Variants in MSH3 observed in about 807,000 individuals in gnomAD.
MSH3 encodes mutS homolog 3, also known as DNA mismatch repair protein Msh3.
MSH3 carries 106 observed loss-of-function variants against 123.3 expected under a neutral mutation model. The observed-to-expected ratio is 0.86, with a 90% CI of 0.73 to 1.01. MSH3 has a LOEUF of 1.01. Ranked by LOEUF, MSH3 falls within the 50% of genes least tolerant of loss-of-function variation. MSH3 has a pLI of 0.00. For synonymous variants in MSH3, 515 were observed against 481.4 expected (o/e 1.07, Z -0.91); for missense variants, 1,459 against 1,347.6 (o/e 1.08, Z -1.29).
chr5:80,669,356 C>T (rs1306330337), intron 3 of MSH3, among the ~76,000 whole-genome samples: 3 of 152,110 alleles, frequency 2.0e-5, no homozygotes, highest in African/African-American at 7.2e-5. Context: ...TTGGCAGTGA[C>T]AGAGTGGCAA....
chr5:80,805,587 CCCT>C (rs1456371911), intron 19 of MSH3, among the ~76,000 whole-genome samples: 1,711 of 81,234 alleles, frequency 0.021, 55 homozygotes, highest in African/African-American at 0.084. Context: ...TGCCCCCCCC[CCCT>C]ACCTTTTTTT....
intron 17 of MSH3, among the ~76,000 whole-genome samples, chr5:80,784,585 C>T (rs976113248): frequency 1.6e-4 from 24 of 152,146 alleles, no homozygotes; most frequent in Non-Finnish European, 2.4e-4. Flanking sequence ...TAAGCCACTC[C>T]AAAATACACA....
At chr5:80,683,005 G>T (rs1750008111) in intron 8 of MSH3, among the ~76,000 whole-genome samples, 2 of 152,116 alleles carry the variant, frequency 1.3e-5, no homozygotes, top group South Asian at 4.1e-4. Flanking sequence ...ATGACCTCCA[G>T]TTCCATCCAT....
intron 8 of MSH3, among the ~76,000 whole-genome samples, chr5:80,706,869 T>C (rs575452051): frequency 4.6e-5 from 7 of 152,340 alleles, no homozygotes; most frequent in South Asian, 2.1e-4. Context: ...TAATCAATTT[T>C]AATCAGGTGT....
At chr5:80,799,230 T>C (rs1280282815) in intron 19 of MSH3, among the ~76,000 whole-genome samples, 2 of 152,074 alleles carry the variant, frequency 1.3e-5, no homozygotes, top group Non-Finnish European at 2.9e-5. Context: ...AACATGCAGC[T>C]GGTGCCGCTC....
chr5:80,789,703 T>C (rs1364249392), intron 18 of MSH3, among the ~76,000 whole-genome samples: 1 of 152,222 alleles, frequency 6.6e-6, no homozygotes, highest in Non-Finnish European at 1.5e-5. Context: ...TGTGAGAGCA[T>C]CTGGGATTTT....
chr5:80,712,087 G>A (rs1207784763), intron 8 of MSH3, among the ~76,000 whole-genome samples: 1 of 152,142 alleles, frequency 6.6e-6, no homozygotes, highest in Non-Finnish European at 1.5e-5. Flanking sequence ...GGTTGTAGGG[G>A]CTCTGCTCTT....
intron 2 of MSH3, among the ~76,000 whole-genome samples, chr5:80,661,728 A>G (rs1382990058): frequency 6.6e-6 from 1 of 152,162 alleles, no homozygotes; most frequent in Non-Finnish European, 1.5e-5. Flanking sequence ...TCTAGTAACT[A>G]ATTATTTGGA....
intron 7 of MSH3, 80 bp downstream of exon 7, chr5:80,675,208 TAAG>T: frequency 7.0e-7 from 1 of 1,427,826 alleles, no homozygotes; most frequent in East Asian, 2.3e-5. Context: ...TGGTTTATAA[TAAG>T]GATATCTGAT....
Position 80,832,216 on chromosome 5 carries a change from GA to G in MSH3, c.2813+18476del, listed in dbSNP as rs768823101. ...GATGCCTAGAATAAGCACATTCATA[GA>G]GACAGAAAATATGGGGAAAGGGGAG... On this transcript the variant is annotated intron_variant, in intron 20 of 23. Transcript: ENST00000265081. Among the ~76,000 whole-genome samples, 56 of 152,314 alleles carry G rather than the reference GA, an allele frequency of 3.7e-4. No individual in the cohort carries two copies. In the Middle Eastern group the frequency reaches 0.01, roughly 28 times the overall value.
intron 1 of MSH3, 73 bp downstream of exon 1, chr5:80,655,037 G>GCGGGGA: frequency 1.1e-6 from 1 of 926,684 alleles, no homozygotes; most frequent in Non-Finnish European, 1.5e-6. Flanking sequence ...GCGGGCGGAG[G>GCGGGGA]CGGGGACCCT....
At position 80,690,668 on chromosome 5, in the gene MSH3, C is replaced by T. The variant is rs974850534; in HGVS notation, c.1340+11575C>T. ...TTTATTTTTCTCATTAAACTTTAAC[C>T]GTTAAGTGCTCCTTATTACTAATGT... On this transcript the variant is annotated intron_variant, in intron 8 of 23. Transcript: ENST00000265081. Among the ~76,000 whole-genome samples the T allele has an allele frequency of 5.3e-5, 8 of 152,196 alleles. No homozygotes were observed. In the South Asian group the frequency reaches 6.2e-4, roughly 12 times the overall value.
At position 80,690,827 on chromosome 5, in the gene MSH3, A is replaced by T. The variant is rs895381647; in HGVS notation, c.1340+11734A>T. Among the ~76,000 whole-genome samples, 9 of 152,122 alleles carry T rather than the reference A, an allele frequency of 5.9e-5. No individual in the cohort carries two copies. The East Asian group carries it at 7.7e-4, about 13-fold the overall frequency. On this transcript the variant is annotated intron_variant, in intron 8 of 23. Transcript: ENST00000265081. ...TTCGGTAGGTTGTGACTAACATTTT[A>T]AAAAAATACAGTAGAAGTTACCAGA...
chr5:80,831,691 C>CA (rs201171665), intron 20 of MSH3, among the ~76,000 whole-genome samples: 35,793 of 122,436 alleles, frequency 0.29, 4,501 homozygotes, highest in East Asian at 0.34. Context: ...ATGTAATATC[C>CA]AAAAAAAAAA....
chr5:80,657,448 AAAAC>A (rs1321885051), intron 2 of MSH3, among the ~76,000 whole-genome samples: 3 of 152,204 alleles, frequency 2.0e-5, no homozygotes, highest in Non-Finnish European at 4.4e-5. Flanking sequence ...CTCAAAACAA[AAAAC>A]AAACAAAAAA....
At chr5:80,706,518 G>GA in intron 8 of MSH3, among the ~76,000 whole-genome samples, 1 of 152,074 alleles carries the variant, frequency 6.6e-6, no homozygotes, top group Middle Eastern at 3.4e-3. Flanking sequence ...TTATGCTATT[G>GA]AAAAAATACC....
rs779568504 is a variant in MSH3, at chr5:80,873,291, A to G, written c.3302+4A>G. 1 of 1,613,802 alleles carries G rather than the reference A, an allele frequency of 6.2e-7. No homozygotes were observed. Among genetic ancestry groups the G allele is most frequent in the East Asian group, 2.2e-5 (1 of 44,810 alleles). On this transcript the variant is annotated splice_donor_region_variant and intron_variant, in intron 23 of 23. Transcript: ENST00000265081. ...AAGGATTAATAAATACGAAAAGGTC[A>G]GAGTGATTATGCTGCATTTTTTCAT...
At position 80,863,658 on chromosome 5, in the gene MSH3, C is replaced by CA. The variant is rs1037828159; in HGVS notation, c.3001-1141dup. 4.8e-3 allele frequency among the ~76,000 whole-genome samples: 533 copies of CA among 110,552 alleles called. 1 individual carries two copies. Among genetic ancestry groups the CA allele is most frequent in the Non-Finnish European group, 6.3e-3 (328 of 52,018 alleles). The allele number at this position is 110,552 out of a possible 152,430, so 72.5% of individuals were successfully genotyped here. A position where few individuals can be genotyped will look rare whatever the true frequency, so the allele number is the denominator to read the frequency against. On this transcript the variant is annotated intron_variant, in intron 21 of 23. Transcript: ENST00000265081. The stretch of plus-strand genomic sequence containing the variant: ...TGGGCAACAGAGTGACACTCCGTCT[C>CA]AAAAAAAAAAAAAAGAAAAGAAATA...
chr5:80,838,974 T>A lies in MSH3; in HGVS notation c.2814-15156T>A, dbSNP rs566982385. Among the ~76,000 whole-genome samples the A allele has an allele frequency of 3.9e-5, 6 of 152,336 alleles. No homozygotes were observed. The South Asian group carries it at 1.0e-3, about 26-fold the overall frequency. On this transcript the variant is annotated intron_variant, in intron 20 of 23. Transcript: ENST00000265081. Reference sequence around the variant, plus strand: ...TAGATACATAGAAAAGTTCAAGGCCTTAGCCCTAAAATAAGAATTTGCAAA... The same window carrying A: ...TAGATACATAGAAAAGTTCAAGGCCATAGCCCTAAAATAAGAATTTGCAAA...
Sources: allele counts gnomAD v4.1 joint callset (sites outside exome capture counted in the v4.1 genomes callset), GRCh38; gene constraint gnomAD v4.1.1; transcripts MANE v1.5; gene names NCBI Gene and HGNC (gene_info 2026-07-23, HGNC 2026-07-21).